The following LARGE1 variants were observed in gnomAD, a reference collection of about 807,000 sequenced individuals.
The protein encoded by LARGE1 is LARGE xylosyl- and glucuronyltransferase 1.
LARGE1 carries 43 observed loss-of-function variants against 87.6 expected under a neutral mutation model. The ratio of observed to expected loss-of-function variants is 0.49; its 90% CI spans 0.38 to 0.63. The LOEUF (loss-of-function observed/expected upper bound fraction) is 0.63. Ranked by LOEUF, LARGE1 falls within the 30% of genes least tolerant of loss-of-function variation. The pLI is 0.00. For synonymous variants in LARGE1, 434 were observed against 394.6 expected (o/e 1.10, Z -1.18); for missense variants, 802 against 1,000.2 (o/e 0.80, Z 2.67).
chr22:33,492,426 A>G (rs765566106), intron 6 of LARGE1, among the ~76,000 whole-genome samples: 16 of 152,198 alleles, frequency 1.1e-4, no homozygotes, highest in Non-Finnish European at 2.4e-4. Context: ...TGGGCACCAC[A>G]CTTTCCCTTT....
chr22:33,710,997 C>T (rs959222010), intron 2 of LARGE1, among the ~76,000 whole-genome samples: 6 of 152,130 alleles, frequency 3.9e-5, no homozygotes, highest in Admixed American at 6.5e-5. Flanking sequence ...AGAAATCATT[C>T]GCTCATCATT....
At chr22:33,815,867 CGAG>C (rs936798060) in intron 1 of LARGE1, among the ~76,000 whole-genome samples, 13 of 152,236 alleles carry the variant, frequency 8.5e-5, no homozygotes, top group South Asian at 4.1e-4. Flanking sequence ...AGTAAAATCA[CGAG>C]GAGAGGTGCC....
intron 6 of LARGE1, among the ~76,000 whole-genome samples, chr22:33,466,563 C>T (rs560367281): frequency 4.6e-5 from 7 of 151,880 alleles, no homozygotes; most frequent in Non-Finnish European, 1.0e-4. Context: ...ACTTGTCATC[C>T]CAGGTATTTC....
chr22:33,613,019 G>C (rs1444472114), intron 4 of LARGE1, among the ~76,000 whole-genome samples: 1 of 152,140 alleles, frequency 6.6e-6, no homozygotes, highest in African/African-American at 2.4e-5. Flanking sequence ...GCAATACTAG[G>C]TGTCTGCATT....
In LARGE1 at chr22:33,401,061, C is replaced by A. The variant is rs140072713; in HGVS notation, c.893-16757G>T. Among the ~76,000 whole-genome samples the A allele has an allele frequency of 1.1e-3, 173 of 152,202 alleles. No homozygotes were observed. The Middle Eastern group carries it at 0.014, about 12-fold the overall frequency. ...GGGTGGGAGGAAAGAGAGTGTGTTT[C>A]TCCCTCGCACACTCTCGCATGTGGG... On this transcript the variant is annotated intron_variant, in intron 7 of 14. Coordinates refer to ENST00000397394, the MANE Select transcript of LARGE1 (RefSeq NM_133642.5).
chr22:33,221,785 T>A (rs1233868471), intron 11 of LARGE1: 2 of 152,252 alleles, frequency 1.3e-5, no homozygotes, highest in African/African-American at 4.8e-5. Flanking sequence ...GACCCAGATA[T>A]GAAACTTCCT....
At chr22:33,111,762 G>C in the LARGE1 span, among the ~76,000 whole-genome samples, 9 of 152,192 alleles carry the variant, frequency 5.9e-5, no homozygotes, top group Admixed American at 4.6e-4. Context: ...GTAGGGGGTT[G>C]TGATGAAATA....
At chr22:33,183,616 A>G (rs533870085) in intron 11 of LARGE1, among the ~76,000 whole-genome samples, 3 of 97,828 alleles carry the variant, frequency 3.1e-5, no homozygotes, top group African/African-American at 1.1e-4. Flanking sequence ...ACACACACAC[A>G]CACGCACACA....
rs564948315 is a variant in LARGE1, at chr22:33,682,708, C to G, written c.107-32040G>C. On this transcript the variant is annotated intron_variant, in intron 2 of 14. Coordinates refer to ENST00000397394, the MANE Select transcript of LARGE1 (RefSeq NM_133642.5). ...GAATTACTGATTCTCTAGTAACACACACAGTGGCTGGCATAGAGTAAAAAC... is the reference window on the plus strand; with the variant it reads ...GAATTACTGATTCTCTAGTAACACAGACAGTGGCTGGCATAGAGTAAAAAC... 7.2e-5 allele frequency among the ~76,000 whole-genome samples: 11 copies of G among 152,310 alleles called. No individual in the cohort carries two copies. In the South Asian group the frequency reaches 2.1e-3, roughly 29 times the overall value.
intron 3 of LARGE1, among the ~76,000 whole-genome samples, chr22:33,628,857 TG>T (rs1404782783): frequency 6.7e-6 from 1 of 150,254 alleles, no homozygotes; most frequent in Non-Finnish European, 1.5e-5. Context: ...GGGTCTGGGG[TG>T]GGGGGCAGGG....
At chr22:33,236,550 A>G (rs956479029) in intron 11 of LARGE1, among the ~76,000 whole-genome samples, 1 of 152,214 alleles carries the variant, frequency 6.6e-6, no homozygotes, top group African/African-American at 2.4e-5. Flanking sequence ...TTAGTATTAC[A>G]GCTTACACCT....
At chr22:33,871,893 T>C (rs1265759221) in intron 1 of LARGE1, among the ~76,000 whole-genome samples, 1 of 148,772 alleles carries the variant, frequency 6.7e-6, no homozygotes, top group African/African-American at 2.5e-5. Context: ...CTTGAAGAAC[T>C]AAAGTCCATA....
intron 10 of LARGE1, among the ~76,000 whole-genome samples, chr22:33,324,719 C>T (rs1937089317): frequency 6.6e-6 from 1 of 152,164 alleles, no homozygotes; most frequent in Non-Finnish European, 1.5e-5. Flanking sequence ...ATCCTGTGCT[C>T]TGGCCTTAGA....
intron 11 of LARGE1, among the ~76,000 whole-genome samples, chr22:33,202,712 T>C (rs1010521229): frequency 1.3e-5 from 2 of 152,202 alleles, no homozygotes; most frequent in African/African-American, 4.8e-5. Context: ...TTTTCAGAGA[T>C]GGCAACTGAT....
chr22:33,233,778 C>T lies in LARGE1; in HGVS notation c.1731-66946G>A, dbSNP rs545898518. ...ACCAATGGAAATTTATACATATCCTCATGATTCTGGAGGCCAGAAGTCCAA... is the reference window on the plus strand; with the variant it reads ...ACCAATGGAAATTTATACATATCCTTATGATTCTGGAGGCCAGAAGTCCAA... On this transcript the variant is annotated intron_variant, in intron 11 of 11. Coordinates refer to the LARGE1 transcript ENST00000608642. Among the ~76,000 whole-genome samples the T allele has an allele frequency of 3.9e-5, 6 of 152,306 alleles. No homozygotes were observed. In the South Asian group the frequency reaches 8.3e-4, roughly 21 times the overall value.
the LARGE1 span, among the ~76,000 whole-genome samples, chr22:33,136,336 G>T: frequency 6.6e-6 from 1 of 152,160 alleles, no homozygotes; most frequent in Non-Finnish European, 1.5e-5. Context: ...TTACATGGCA[G>T]CAGACAAGAG....
At chr22:33,729,341 A>G (rs1444565456) in intron 2 of LARGE1, among the ~76,000 whole-genome samples, 3 of 152,194 alleles carry the variant, frequency 2.0e-5, no homozygotes, top group African/African-American at 7.2e-5. Context: ...AAAAGACATG[A>G]GTTGAATTAG....
intron 3 of LARGE1, among the ~76,000 whole-genome samples, chr22:33,648,860 G>A (rs146287054): frequency 1.9e-4 from 29 of 152,298 alleles, no homozygotes; most frequent in African/African-American, 7.0e-4. Flanking sequence ...AAGGGGTTCT[G>A]TCTTTTTTGC....
chr22:33,702,018 T>C (rs2082416832), intron 2 of LARGE1, among the ~76,000 whole-genome samples: 1 of 152,184 alleles, frequency 6.6e-6, no homozygotes, highest in South Asian at 2.1e-4. Context: ...TAAAAACCTG[T>C]CCCAATCCTT....
Sources: gnomAD v4.1 joint callset for allele counts (sites outside exome capture counted in the v4.1 genomes callset) on GRCh38, gnomAD v4.1.1 for gene constraint, MANE v1.5 for transcripts, NCBI Gene and HGNC (gene_info 2026-07-23, HGNC 2026-07-21) for gene names.